Variants in KLF12 observed in about 807,000 individuals in gnomAD.
KLF12 encodes the protein Krueppel-like factor 12.
KLF12 carries 9 observed loss-of-function variants against 37.8 expected under a neutral mutation model. The ratio of observed to expected loss-of-function variants is 0.24; its 90% CI spans 0.14 to 0.42. The LOEUF is 0.42. Among genes scored for constraint, KLF12 ranks in the 10% least tolerant of loss-of-function variants. The probability of loss-of-function intolerance (pLI) is 1.00; values close to 1 mark genes in which losing one functional copy is unlikely to be tolerated. For synonymous variants in KLF12, 208 were observed against 202.1 expected (o/e 1.03, Z -0.25); for missense variants, 411 against 516.0 (o/e 0.80, Z 1.97).
At chr13:73,976,839 A>G (rs1463339820) in intron 2 of KLF12, among the ~76,000 whole-genome samples, 1 of 152,204 alleles carries the variant, frequency 6.6e-6, no homozygotes, top group Admixed American at 6.5e-5. Flanking sequence ...ACACCTACTT[A>G]GCATAGTTCA....
intron 3 of KLF12, among the ~76,000 whole-genome samples, chr13:73,873,074 T>C (rs1400806668): frequency 6.6e-6 from 1 of 152,142 alleles, no homozygotes; most frequent in Non-Finnish European, 1.5e-5. Flanking sequence ...GGTTAGTGCA[T>C]TGACCATTTC....
intron 1 of KLF12, among the ~76,000 whole-genome samples, chr13:74,046,040 T>C (rs1301820297): frequency 6.6e-6 from 1 of 152,246 alleles, no homozygotes; most frequent in South Asian, 2.1e-4. Flanking sequence ...AAATTTGCCA[T>C]AGGAACTTAA....
At chr13:73,803,781 C>T (rs935253723) in intron 5 of KLF12, among the ~76,000 whole-genome samples, 6 of 91,168 alleles carry the variant, frequency 6.6e-5, no homozygotes, top group African/African-American at 3.0e-4. Context: ...GTCACACACA[C>T]ACACACACAC....
the KLF12 span, chr13:74,257,174 ACT>A: frequency 2.0e-5 from 3 of 152,028 alleles, no homozygotes; most frequent in African/African-American, 7.3e-5. Flanking sequence ...GTTCCTGGAA[ACT>A]CTCTGCCTGT....
intron 1 of KLF12, among the ~76,000 whole-genome samples, chr13:74,075,957 C>A (rs1365018030): frequency 6.6e-6 from 1 of 152,080 alleles, no homozygotes; most frequent in Admixed American, 6.6e-5. Flanking sequence ...GTTATAATTA[C>A]CTATACTTTC....
At chr13:73,716,402 A>C (rs1036312618) in intron 6 of KLF12, among the ~76,000 whole-genome samples, 1 of 152,172 alleles carries the variant, frequency 6.6e-6, no homozygotes, top group African/African-American at 2.4e-5. Flanking sequence ...TCATATTTCT[A>C]CTCTACAAAA....
intron 3 of KLF12, among the ~76,000 whole-genome samples, chr13:73,923,305 C>T (rs1284282835): frequency 2.6e-5 from 4 of 152,168 alleles, no homozygotes; most frequent in African/African-American, 9.7e-5. Flanking sequence ...ATTCACTGGA[C>T]TCTGCAGGAA....
At chr13:73,699,675 T>C (rs1874404560) in intron 7 of KLF12, among the ~76,000 whole-genome samples, 2 of 152,312 alleles carry the variant, frequency 1.3e-5, no homozygotes, top group South Asian at 4.1e-4. Context: ...ACTGATGAGT[T>C]ACCTTCCTAT....
intron 1 of KLF12, among the ~76,000 whole-genome samples, chr13:74,077,390 A>G (rs541753551): frequency 6.6e-6 from 1 of 152,204 alleles, no homozygotes; most frequent in Non-Finnish European, 1.5e-5. Context: ...GGTATATTCT[A>G]TACTAAAAGA....
intron 3 of KLF12, among the ~76,000 whole-genome samples, chr13:73,939,043 C>T (rs17288193): frequency 0.079 from 12,049 of 152,164 alleles, 644 homozygotes; most frequent in Non-Finnish European, 0.12. Context: ...CTGTTTCTGC[C>T]GCACTATTGC....
chr13:73,978,422 T>A (rs896335797), intron 2 of KLF12, among the ~76,000 whole-genome samples: 13 of 152,224 alleles, frequency 8.5e-5, no homozygotes, highest in African/African-American at 3.1e-4. Context: ...AACACCACGC[T>A]CAGAATAACC....
intron 3 of KLF12, among the ~76,000 whole-genome samples, chr13:73,874,512 C>T (rs9565054): frequency 0.22 from 33,109 of 152,098 alleles, 4,358 homozygotes; most frequent in East Asian, 0.56. Context: ...CTCAGTTATT[C>T]AGGAAAATGT....
At chr13:74,055,885 G>A (rs1373124808) in intron 1 of KLF12, among the ~76,000 whole-genome samples, 1 of 152,164 alleles carries the variant, frequency 6.6e-6, no homozygotes, top group African/African-American at 2.4e-5. Flanking sequence ...CTTGGATAAT[G>A]ATATCAAAAC....
At chr13:74,232,206 T>C in the KLF12 span, among the ~76,000 whole-genome samples, 1 of 152,196 alleles carries the variant, frequency 6.6e-6, no homozygotes, top group Non-Finnish European at 1.5e-5. Context: ...TCCTAAAGAA[T>C]GGGTTATTCA....
intron 3 of KLF12, among the ~76,000 whole-genome samples, chr13:73,937,536 T>C (rs749830192): frequency 3.3e-5 from 5 of 152,224 alleles, no homozygotes; most frequent in African/African-American, 4.8e-5. Flanking sequence ...CTAATGAGAC[T>C]GTGGTTAGAA....
the KLF12 span, among the ~76,000 whole-genome samples, chr13:74,240,852 T>C: frequency 2.3e-3 from 333 of 145,756 alleles, 3 homozygotes; most frequent in African/African-American, 8.1e-3. Flanking sequence ...CTTCTAAATT[T>C]TTTTCAAAGT....
chr13:74,232,539 A>C, the KLF12 span, among the ~76,000 whole-genome samples: 3 of 152,210 alleles, frequency 2.0e-5, no homozygotes, highest in African/African-American at 4.8e-5. Flanking sequence ...TAATTATCTA[A>C]ACCTAAAAAA....
intron 1 of KLF12, among the ~76,000 whole-genome samples, chr13:74,108,565 T>A (rs7327607): frequency 0.97 from 147,266 of 152,230 alleles, 71,422 homozygotes; most frequent in Middle Eastern, 1. Flanking sequence ...TCCACGTATA[T>A]CTTTTGACTC....
the KLF12 span, among the ~76,000 whole-genome samples, chr13:74,203,882 C>A: frequency 3.3e-5 from 5 of 152,102 alleles, no homozygotes; most frequent in South Asian, 2.1e-4. Flanking sequence ...TCCCCCAAGA[C>A]TCTGTTTTGA....
Sources: allele counts gnomAD v4.1 joint callset (sites outside exome capture counted in the v4.1 genomes callset), GRCh38; gene constraint gnomAD v4.1.1; transcripts MANE v1.5; gene names NCBI Gene and HGNC (gene_info 2026-07-23, HGNC 2026-07-21).